Variants in PTPRD observed in about 807,000 individuals in gnomAD.
PTPRD encodes receptor-type tyrosine-protein phosphatase delta.
Under a neutral mutation model 214.5 loss-of-function variants are expected in PTPRD, and 34 were observed. That is an observed-to-expected ratio of 0.16 (90% confidence interval 0.12 to 0.21). The LOEUF is 0.21. Ranked by LOEUF, PTPRD falls within the 10% of genes least tolerant of loss-of-function variation. The pLI, the probability that PTPRD is intolerant of heterozygous loss-of-function variation, is 1.00. For missense variants in PTPRD, 2,545 were observed against 2,398.7 expected (o/e 1.06, Z -1.27); for synonymous variants, 1,128 against 845.7 (o/e 1.33, Z -5.79).
chr9:9,504,053 G>C (rs1259797120), intron 8 of PTPRD, among the ~76,000 whole-genome samples: 1 of 151,548 alleles, frequency 6.6e-6, no homozygotes, highest in Non-Finnish European at 1.5e-5. Context: ...GCACCACATA[G>C]TTACCATGGC....
chr9:9,716,013 C>T (rs777314553), intron 7 of PTPRD, among the ~76,000 whole-genome samples: 2 of 151,982 alleles, frequency 1.3e-5, no homozygotes, highest in African/African-American at 2.4e-5. Flanking sequence ...CTCCCCCCAC[C>T]CCACAACAGT....
chr9:8,843,420 T>C (rs559844558), intron 11 of PTPRD, among the ~76,000 whole-genome samples: 14 of 152,332 alleles, frequency 9.2e-5, no homozygotes, highest in African/African-American at 2.9e-4. Flanking sequence ...ATTACATCTG[T>C]AACCTTGAAA....
intron 33 of PTPRD, among the ~76,000 whole-genome samples, chr9:8,453,310 C>T (rs1210048714): frequency 6.6e-6 from 1 of 151,796 alleles, no homozygotes; most frequent in African/African-American, 2.4e-5. Flanking sequence ...ATTACAGGCG[C>T]CCGCCACCAT....
At chr9:9,038,956 G>A (rs1438925955) in intron 10 of PTPRD, among the ~76,000 whole-genome samples, 1 of 151,982 alleles carries the variant, frequency 6.6e-6, no homozygotes, top group Non-Finnish European at 1.5e-5. Context: ...AGCTTTTGCT[G>A]TATTTTCATG....
intron 11 of PTPRD, among the ~76,000 whole-genome samples, chr9:8,744,117 A>T (rs189337236): frequency 1.3e-5 from 2 of 152,306 alleles, no homozygotes; most frequent in East Asian, 3.9e-4. Context: ...GTCCTGCAAC[A>T]ATGGTCATAA....
chr9:10,169,379 C>A (rs917836560), intron 3 of PTPRD, among the ~76,000 whole-genome samples: 6 of 147,192 alleles, frequency 4.1e-5, no homozygotes, highest in African/African-American at 1.5e-4. Flanking sequence ...GAGGCTGAGG[C>A]AGGAGAATGG....
At chr9:9,342,948 G>A (rs1013936186) in intron 9 of PTPRD, among the ~76,000 whole-genome samples, 1 of 151,528 alleles carries the variant, frequency 6.6e-6, no homozygotes, top group Non-Finnish European at 1.5e-5. Flanking sequence ...TGTTCTCATT[G>A]TTCAACTCCC....
intron 9 of PTPRD, among the ~76,000 whole-genome samples, chr9:9,340,239 C>G (rs538542470): frequency 6.6e-6 from 1 of 151,990 alleles, no homozygotes; most frequent in Non-Finnish European, 1.5e-5. Flanking sequence ...CCGTTTAAGA[C>G]AGAAAAACAG....
chr9:10,385,941 TTC>T (rs1288318216), intron 2 of PTPRD, among the ~76,000 whole-genome samples: 2 of 151,934 alleles, frequency 1.3e-5, no homozygotes, highest in African/African-American at 4.8e-5. Context: ...AAATCACATA[TTC>T]TGTTTTATTA....
chr9:8,827,968 A>G (rs2097208693), intron 11 of PTPRD, among the ~76,000 whole-genome samples: 1 of 152,174 alleles, frequency 6.6e-6, no homozygotes, highest in South Asian at 2.1e-4. Context: ...ACCATCCCCT[A>G]AACAATAAGA....
intron 8 of PTPRD, among the ~76,000 whole-genome samples, chr9:9,563,137 C>G (rs1234052306): frequency 6.6e-6 from 1 of 152,130 alleles, no homozygotes; most frequent in Admixed American, 6.6e-5. Context: ...TGACCCTTCT[C>G]TTTGGTAGGA....
chr9:10,205,311 T>C (rs368447777), intron 3 of PTPRD, among the ~76,000 whole-genome samples: 3 of 152,076 alleles, frequency 2.0e-5, no homozygotes, highest in East Asian at 1.9e-4. Flanking sequence ...AGGTGAGATA[T>C]ATTAATTTAA....
At chr9:8,989,824 C>T (rs2099359425) in intron 11 of PTPRD, among the ~76,000 whole-genome samples, 1 of 151,910 alleles carries the variant, frequency 6.6e-6, no homozygotes, top group African/African-American at 2.4e-5. Context: ...TGCCAGAAAC[C>T]GTGAAGCTTT....
At chr9:10,571,315 C>G (rs1019790520) in intron 2 of PTPRD, among the ~76,000 whole-genome samples, 6 of 152,266 alleles carry the variant, frequency 3.9e-5, no homozygotes, top group African/African-American at 7.2e-5. Context: ...CCACAGCCCT[C>G]TGACATTTAC....
intron 8 of PTPRD, among the ~76,000 whole-genome samples, chr9:9,569,534 T>A (rs1361591940): frequency 6.6e-6 from 1 of 151,638 alleles, no homozygotes; most frequent in Non-Finnish European, 1.5e-5. Flanking sequence ...TTAGTAAGCT[T>A]AAATATGTTC....
intron 3 of PTPRD, among the ~76,000 whole-genome samples, chr9:10,312,466 C>T (rs953877759): frequency 2.0e-5 from 3 of 151,666 alleles, no homozygotes; most frequent in East Asian, 1.9e-4. Context: ...GGATTAGAAA[C>T]GGATTTTCAA....
rs371686114 is a variant in PTPRD at position 10,008,450 on chromosome 9, G to C, written c.-472+25268C>G. ...CCTTTGTTTCACATTTTGACATATA[G>C]AGCCTAATTTTAATGCATGTAAATG... On this transcript the variant is annotated intron_variant, in intron 4 of 45. Transcript: ENST00000381196. 3.4e-4 allele frequency among the ~76,000 whole-genome samples: 51 copies of C among 152,018 alleles called. No individual in the cohort carries two copies. In the South Asian group the frequency reaches 9.7e-3, roughly 29 times the overall value.
chr9:8,882,182 A>G (rs1188437209), intron 11 of PTPRD, among the ~76,000 whole-genome samples: 1 of 152,140 alleles, frequency 6.6e-6, no homozygotes, highest in Non-Finnish European at 1.5e-5. Context: ...CCAAAGAAAT[A>G]CTGTCGACTC....
chr9:9,880,420 G>A (rs2153735903), intron 5 of PTPRD, among the ~76,000 whole-genome samples: 1 of 152,234 alleles, frequency 6.6e-6, no homozygotes, highest in South Asian at 2.1e-4. Flanking sequence ...CTCCTCAGAT[G>A]TTATTTACTT....
Sources: allele counts gnomAD v4.1 joint callset (sites outside exome capture counted in the v4.1 genomes callset), GRCh38; gene constraint gnomAD v4.1.1; transcripts MANE v1.5; gene names NCBI Gene and HGNC (gene_info 2026-07-23, HGNC 2026-07-21).